KANSL1L: variants seen among roughly 807,000 people sequenced by gnomAD.
KANSL1L encodes KAT8 regulatory NSL complex subunit 1 like.
In KANSL1L, 25 loss-of-function variants were observed where a neutral mutation model predicts 108.6. The ratio of observed to expected loss-of-function variants is 0.23; its 90% confidence interval spans 0.17 to 0.32. The LOEUF (loss-of-function observed/expected upper bound fraction) is 0.32. Ranked by LOEUF, KANSL1L falls within the 10% of genes least tolerant of loss-of-function variation. The pLI, the probability that KANSL1L is intolerant of heterozygous loss-of-function variation, is 1.00. For synonymous variants in KANSL1L, 405 were observed against 395.1 expected (o/e 1.03, Z -0.30); for missense variants, 1,137 against 1,125.7 (o/e 1.01, Z -0.14).
chr2:210,054,841 A>G (rs1390963993), intron 6 of KANSL1L, among the ~76,000 whole-genome samples: 1 of 152,146 alleles, frequency 6.6e-6, no homozygotes, highest in African/African-American at 2.4e-5. Context: ...AAGGAGAAAG[A>G]AGAAGAAGAA....
intron 3 of KANSL1L, among the ~76,000 whole-genome samples, chr2:210,109,311 G>C (rs548830214): frequency 3.9e-5 from 6 of 152,134 alleles, no homozygotes; most frequent in African/African-American, 1.2e-4. Flanking sequence ...ATTAATCTTT[G>C]TGGATGTGCA....
At chr2:210,143,560 C>T (rs902162522) in intron 2 of KANSL1L, among the ~76,000 whole-genome samples, 4 of 151,950 alleles carry the variant, frequency 2.6e-5, no homozygotes, top group Admixed American at 6.6e-5. Context: ...TGCTGTCTTC[C>T]TTTGTGATTT....
At chr2:210,141,764 G>A (rs1024694439) in intron 2 of KANSL1L, among the ~76,000 whole-genome samples, 1 of 152,138 alleles carries the variant, frequency 6.6e-6, no homozygotes, top group Non-Finnish European at 1.5e-5. Flanking sequence ...CTAATCTGTT[G>A]AGAGTCTGAA....
chr2:210,076,430 G>A (rs750750399), intron 5 of KANSL1L, among the ~76,000 whole-genome samples: 4 of 152,126 alleles, frequency 2.6e-5, no homozygotes, highest in East Asian at 3.9e-4. Context: ...CAGGTGATCC[G>A]CCCATCTTGG....
At chr2:210,150,548 C>G (rs1181918931) in intron 2 of KANSL1L, among the ~76,000 whole-genome samples, 1 of 151,926 alleles carries the variant, frequency 6.6e-6, no homozygotes, top group Admixed American at 6.6e-5. Context: ...TTTGGGAGGC[C>G]AAGGTCAGCA....
In KANSL1L at chr2:210,104,192, G is replaced by A. The variant is rs1354257673; in HGVS notation, c.1340C>T (p.Pro447Leu). 1 of 1,613,750 alleles carries A rather than the reference G, an allele frequency of 6.2e-7. No homozygotes were observed. Among genetic ancestry groups the A allele is most frequent in the South Asian group, 1.1e-5 (1 of 91,078 alleles). Reference sequence around the variant, plus strand: ...CGGTACAGGATCTTGACACTCCTGGGGAACCTGAGGATTCCCTAGAATGTT... The same window carrying A: ...CGGTACAGGATCTTGACACTCCTGGAGAACCTGAGGATTCCCTAGAATGTT... ...SLNILGNPQVPQECQDPVPEQ... is the reference protein window; with the variant it reads ...SLNILGNPQVLQECQDPVPEQ... Residue 447 changes from proline to leucine, a missense_variant, in exon 4 of 15, where the codon CCC (proline) becomes CTC (leucine). This residue lies in a region of KANSL1L where 556 missense variants were observed against 537.7 expected (regional missense o/e 1.03). Coordinates refer to ENST00000281772, the MANE Select transcript of KANSL1L (RefSeq NM_152519.4).
chr2:210,157,288 C>T (rs913308551), intron 1 of KANSL1L, among the ~76,000 whole-genome samples: 7 of 152,114 alleles, frequency 4.6e-5, no homozygotes, highest in African/African-American at 1.2e-4. Flanking sequence ...ATCTGAACAG[C>T]GTACTATGAA....
intron 3 of KANSL1L, among the ~76,000 whole-genome samples, chr2:210,118,416 C>G (rs2094978413): frequency 7.0e-6 from 1 of 142,598 alleles, no homozygotes; most frequent in Non-Finnish European, 1.5e-5. Context: ...GCACTGTGAG[C>G]TCAGATCGCA....
chr2:210,082,149 T>C lies in KANSL1L; in HGVS notation c.1551-6393A>G, dbSNP rs2094595609. 3.9e-5 allele frequency among the ~76,000 whole-genome samples: 6 copies of C among 152,254 alleles called. No homozygotes were observed. The South Asian group carries it at 1.2e-3, about 32-fold the overall frequency. ...AGTCTCGTCAAATTTCTTGGATGGT[T>C]TGGAACTCCTGGGCTCAAGCGATCC... On this transcript the variant is annotated intron_variant, in intron 5 of 14. Coordinates refer to ENST00000281772, the MANE Select transcript of KANSL1L (RefSeq NM_152519.4).
intron 5 of KANSL1L, among the ~76,000 whole-genome samples, chr2:210,094,202 T>G (rs557000114): frequency 9.2e-5 from 14 of 152,282 alleles, no homozygotes; most frequent in South Asian, 4.1e-4. Context: ...ATAGTTAAAA[T>G]GGTAAATTTT....
Position 210,043,976 on chromosome 2 carries a change from T to C in KANSL1L, c.1884A>G (p.Leu628=), listed in dbSNP as rs540015959. Residue 628 remains leucine, a synonymous_variant, in exon 7 of 15, where the codon TTA becomes TTG. Coordinates refer to ENST00000281772, the MANE Select transcript of KANSL1L (RefSeq NM_152519.4). ...SYLLREHVSE[L]DSSFHSVLSL... is the part of the protein sequence containing the mutation. Reference sequence around the variant, plus strand: ...ATAGAACAGAATGGAAAGAGGAATCTAACTCTGATACATGTTCTCTTAATA... The same window carrying C: ...ATAGAACAGAATGGAAAGAGGAATCCAACTCTGATACATGTTCTCTTAATA... 5.6e-6 allele frequency: 9 copies of C among 1,602,174 alleles called. No homozygotes were observed. In the South Asian group the frequency reaches 1.0e-4, roughly 18 times the overall value.
chr2:210,091,356 T>C (rs959005278), intron 5 of KANSL1L, among the ~76,000 whole-genome samples: 10 of 152,166 alleles, frequency 6.6e-5, no homozygotes, highest in Admixed American at 6.5e-4. Context: ...CTTTTTGAAG[T>C]ATATAGTTTA....
intron 5 of KANSL1L, among the ~76,000 whole-genome samples, chr2:210,095,780 T>C (rs2094730337): frequency 6.6e-6 from 1 of 152,138 alleles, no homozygotes; most frequent in African/African-American, 2.4e-5. Context: ...ATTTGATCAC[T>C]TTCTCTTTGA....
chr2:210,125,623 T>C (rs2095059418), intron 3 of KANSL1L, among the ~76,000 whole-genome samples: 6 of 152,196 alleles, frequency 3.9e-5, no homozygotes, highest in Admixed American at 3.9e-4. Context: ...AATCCATGAC[T>C]GAGTGAGATT....
chr2:210,091,606 A>G (rs890586043), intron 5 of KANSL1L, among the ~76,000 whole-genome samples: 1 of 152,154 alleles, frequency 6.6e-6, no homozygotes, highest in Non-Finnish European at 1.5e-5. Flanking sequence ...CTAAATCAGT[A>G]CTTTTTTACT....
intron 1 of KANSL1L, among the ~76,000 whole-genome samples, chr2:210,155,572 T>C (rs2095328631): frequency 1.3e-5 from 2 of 152,172 alleles, no homozygotes; most frequent in Non-Finnish European, 2.9e-5. Flanking sequence ...AGAATATGCA[T>C]TTACTCCTGC....
rs528537843 is a variant in KANSL1L at position 210,129,133 on chromosome 2, T to G, written c.1128A>C (p.Ala376=). The change falls in exon 3 of 15, where the codon GCA becomes GCC. Residue 376 remains alanine (A), a synonymous_variant. Coordinates refer to ENST00000281772, the MANE Select transcript of KANSL1L (RefSeq NM_152519.4). ...GCCAAGTCCATCGGCTGCCAACTCGTGCTCTGTCTACAAGCCACTTCCATT... is the reference window on the plus strand; with the variant it reads ...GCCAAGTCCATCGGCTGCCAACTCGGGCTCTGTCTACAAGCCACTTCCATT... ...STEWKWLVDR[A]RVGSRWTWLQ... 5.6e-6 allele frequency: 9 copies of G among 1,613,926 alleles called. No homozygotes were observed. In the East Asian group the frequency reaches 2.0e-4, roughly 36 times the overall value.
In KANSL1L at chr2:210,104,244, G is replaced by C; in HGVS notation, c.1288C>G (p.Gln430Glu). Residue 430 changes from glutamine to glutamate, a missense_variant, in exon 4 of 15, where the codon CAA becomes GAA. Gln to Glu is a conservative substitution (Grantham distance 29, BLOSUM62 2). Around this residue, in one of 3 missense-constraint regions of KANSL1L, gnomAD observed 556 missense variants for 537.7 expected, o/e 1.03. Coordinates refer to ENST00000281772, the MANE Select transcript of KANSL1L (RefSeq NM_152519.4). ...LPKDILKKQM[Q>E]FADQAASLNI... ...AGTGAAGCTGCTTGGTCTGCAAATT[G>C]CATTTGTTTTTTCAAAATATCTTTT... The C allele has an allele frequency of 1.2e-6, 2 of 1,613,730 alleles. No homozygotes were observed. Among genetic ancestry groups the C allele is most frequent in the South Asian group, 1.1e-5 (1 of 91,070 alleles).
At chr2:210,116,456 G>A (rs1311819998) in intron 3 of KANSL1L, among the ~76,000 whole-genome samples, 2 of 152,184 alleles carry the variant, frequency 1.3e-5, no homozygotes, top group Non-Finnish European at 2.9e-5. Context: ...GGTGAGACCA[G>A]TGCTGTGCTG....
Sources: allele counts gnomAD v4.1 joint callset (sites outside exome capture counted in the v4.1 genomes callset), GRCh38; gene constraint gnomAD v4.1.1; regional missense constraint gnomAD v4.1.1; transcripts MANE v1.5; gene names NCBI Gene and HGNC (gene_info 2026-07-23, HGNC 2026-07-21).